Variants in RLF observed in about 807,000 individuals in gnomAD.
The protein encoded by RLF is RLF zinc finger.
Under a neutral mutation model 162.9 loss-of-function variants are expected in RLF, and 7 were observed. The ratio of observed to expected loss-of-function variants is 0.04; its 90% confidence interval spans 0.02 to 0.08. The LOEUF (loss-of-function observed/expected upper bound fraction) is 0.08, where lower values mean the gene tolerates loss of function less well. RLF is among the 10% of genes least tolerant of loss of function. The pLI, the probability that RLF is intolerant of heterozygous loss-of-function variation, is 1.00. For missense variants in RLF, 1,664 were observed against 2,244.7 expected, an observed-to-expected ratio of 0.74 and a Z score of 5.23; for synonymous variants, 782 against 791.5, an observed-to-expected ratio of 0.99 and a Z score of 0.20.
chr1:40,218,959 A>T (rs1642959234), intron 5 of RLF, among the ~76,000 whole-genome samples: 1 of 151,988 alleles, frequency 6.6e-6, no homozygotes, highest in Non-Finnish European at 1.5e-5. Flanking sequence ...ACTAGAAATT[A>T]TATTTAAGAA....
chr1:40,220,842 TAGGGCC>T (rs1642982815), intron 5 of RLF, among the ~76,000 whole-genome samples: 1 of 151,838 alleles, frequency 6.6e-6, no homozygotes, highest in South Asian at 2.1e-4. Context: ...AGTTAAATAA[TAGGGCC>T]AGGGCATTGG....
At chr1:40,165,397 C>G (rs1642150843) in intron 1 of RLF, among the ~76,000 whole-genome samples, 1 of 152,206 alleles carries the variant, frequency 6.6e-6, no homozygotes, top group Non-Finnish European at 1.5e-5. Context: ...TTCTCAAGAT[C>G]CAATAAACGT....
At chr1:40,197,874 CAT>C (rs1557747366) in intron 4 of RLF, among the ~76,000 whole-genome samples, 1 of 152,170 alleles carries the variant, frequency 6.6e-6, no homozygotes, top group African/African-American at 2.4e-5. Context: ...AGATATTTAA[CAT>C]ATTTGATACC....
chr1:40,161,515 C>T lies in RLF; in HGVS notation c.116C>T (p.Pro39Leu), dbSNP rs1642083554. ...GAGTCCATGGTTCGGGGTCATCGCC[C>T]CGTATCTCCAGCGCCGGGAGCCTCG... ...ETESMVRGHR[P>L]VSPAPGASGL... is the part of the protein sequence containing the mutation. Residue 39 changes from proline (P) to leucine (L), a missense_variant, in exon 1 of 8, where the codon CCC (proline) becomes CTC (leucine). By Grantham distance (98) the Pro-to-Leu change is moderately conservative. Transcript: ENST00000372771. The surrounding 1 kb of genome is among the most constrained non-coding windows in gnomAD (Gnocchi z 4.4). The T allele has an allele frequency of 1.9e-6, 3 of 1,605,352 alleles. No homozygotes were observed. The highest frequency in any genetic ancestry group is 2.5e-6 in the Non-Finnish European group (3 of 1,176,538).
Position 40,237,577 on chromosome 1 carries a change from G to C in RLF, c.2875G>C (p.Asp959His), listed in dbSNP as rs749634118. 3.1e-6 allele frequency: 5 copies of C among 1,614,108 alleles called. No individual in the cohort carries two copies. In the Admixed American group the frequency reaches 8.3e-5, roughly 27 times the overall value. Residue 959 changes from aspartate (D) to histidine (H), a missense_variant, in exon 8 of 8, where the codon GAT (aspartate) becomes CAT (histidine). Coordinates refer to ENST00000372771, the MANE Select transcript of RLF (RefSeq NM_012421.4). This position sits in a 1 kb window ranked among gnomAD's most constrained non-coding sequence, Gnocchi z 4.4. Reference sequence around the variant, plus strand: ...CGGGACTAAGTTTACCTGTGGTTTTGATGGCTGTGGTTCCACATACAAAAA... The same window carrying C: ...CGGGACTAAGTTTACCTGTGGTTTTCATGGCTGTGGTTCCACATACAAAAA... ...FDGTKFTCGF[D>H]GCGSTYKNAR... is the part of the protein sequence containing the mutation.
At position 40,222,557 on chromosome 1, in the gene RLF, CATCTCATT is replaced by C; in HGVS notation, c.811-16_811-9del. 1.2e-6 allele frequency: 2 copies of C among 1,607,920 alleles called. No individual in the cohort carries two copies. The highest frequency in any genetic ancestry group is 1.7e-6 in the Non-Finnish European group (2 of 1,177,348). On this transcript the variant is annotated splice_polypyrimidine_tract_variant and intron_variant, in intron 5 of 7. Transcript: ENST00000372771. ...GTCACCATTTTCTTTTTGACTTAGT[CATCTCATT>C]TTTGATAGATTGCAAAGGTCGACTG...
chr1:40,163,066 G>A lies in RLF; in HGVS notation c.237+1430G>A, dbSNP rs147063191. 1.5e-3 allele frequency among the ~76,000 whole-genome samples: 227 copies of A among 152,286 alleles called. 3 individuals are homozygous for A. The highest frequency in any genetic ancestry group is 5.3e-3 in the African/African-American group (221 of 41,550). On this transcript the variant is annotated intron_variant, in intron 1 of 7. Transcript: ENST00000372771. Reference sequence around the variant, plus strand: ...AAAAGGAGGTGTTGTAGAGACAATGGTGAGGAGAGAGCCTTCATGGGATAT... The same window carrying A: ...AAAAGGAGGTGTTGTAGAGACAATGATGAGGAGAGAGCCTTCATGGGATAT...
chr1:40,217,840 A>G (rs983566261), intron 5 of RLF, among the ~76,000 whole-genome samples: 3 of 152,192 alleles, frequency 2.0e-5, no homozygotes, highest in Non-Finnish European at 2.9e-5. Context: ...AGGTAAAAGA[A>G]GTAACATATA....
chr1:40,176,629 G>A (rs1312524591), intron 1 of RLF, among the ~76,000 whole-genome samples: 1 of 152,012 alleles, frequency 6.6e-6, no homozygotes, highest in African/African-American at 2.4e-5. Flanking sequence ...TTTTTATAAT[G>A]GCGGGATTTT....
At chr1:40,208,758 A>G (rs1364951124) in intron 5 of RLF, among the ~76,000 whole-genome samples, 2 of 152,324 alleles carry the variant, frequency 1.3e-5, no homozygotes, top group East Asian at 3.9e-4. Context: ...TGCAGGTTGC[A>G]GTGAGCTGAG....
Position 40,161,415 on chromosome 1 carries a change from G to A in RLF, c.16G>A (p.Gly6Arg), listed in dbSNP as rs1642079533. 2 of 1,547,818 alleles carry A rather than the reference G, an allele frequency of 1.3e-6. No individual in the cohort carries two copies. Among genetic ancestry groups the A allele is most frequent in the East Asian group, 2.4e-5 (1 of 41,298 alleles). MADGK[G>R]DAAAVAGAGA... Reference sequence around the variant, plus strand: ...CCGTGGGAAGATGGCGGACGGAAAGGGAGACGCCGCCGCTGTCGCCGGGGC... The same window carrying A: ...CCGTGGGAAGATGGCGGACGGAAAGAGAGACGCCGCCGCTGTCGCCGGGGC... The change falls in exon 1 of 8, where the codon GGA becomes AGA. Residue 6 changes from glycine to arginine, a missense_variant. By Grantham distance (125) the Gly-to-Arg change is moderately radical. Around this residue, in one of 15 missense-constraint regions of RLF, gnomAD observed 134 missense variants for 124.3 expected, o/e 1.08. Coordinates refer to ENST00000372771, the MANE Select transcript of RLF (RefSeq NM_012421.4). This position sits in a 1 kb window ranked among gnomAD's most constrained non-coding sequence, Gnocchi z 4.4.
intron 1 of RLF, among the ~76,000 whole-genome samples, chr1:40,170,428 A>G (rs1043466857): frequency 2.0e-5 from 3 of 151,910 alleles, no homozygotes; most frequent in African/African-American, 7.3e-5. Context: ...ACGCCCTGCT[A>G]ATTTTTGTAT....
In RLF at chr1:40,235,967, G is replaced by A. The variant is rs1643212319; in HGVS notation, c.1265G>A (p.Ser422Asn). 6.2e-7 allele frequency: 1 copy of A among 1,613,930 alleles called. No homozygotes were observed. Among genetic ancestry groups the A allele is most frequent in the Non-Finnish European group, 8.5e-7 (1 of 1,179,956 alleles). ...CTTACAGAATTCTTAATTGAACCCA[G>A]TTTGGATGGATTTAATATGTTAGAA... ...CQLTEFLIEPSLDGFNMLEEL... is the reference protein window; with the variant it reads ...CQLTEFLIEPNLDGFNMLEEL... Residue 422 changes from serine (S) to asparagine (N), a missense_variant, in exon 8 of 8, where the codon AGT becomes AAT. Ser to Asn is a conservative substitution (Grantham distance 46, BLOSUM62 1). Around this residue, in one of 15 missense-constraint regions of RLF, gnomAD observed 287 missense variants for 404.9 expected, o/e 0.71. Transcript: ENST00000372771.
chr1:40,182,198 C>G (rs1642413752), intron 1 of RLF, among the ~76,000 whole-genome samples: 1 of 152,092 alleles, frequency 6.6e-6, no homozygotes, highest in African/African-American at 2.4e-5. Context: ...CTTTGGGAGC[C>G]CGAGGTGAGC....
Position 40,236,950 on chromosome 1 carries a change from T to A in RLF, c.2248T>A (p.Tyr750Asn). 1 of 1,614,182 alleles carries A rather than the reference T, an allele frequency of 6.2e-7. No homozygotes were observed. The highest frequency in any genetic ancestry group is 8.5e-7 in the Non-Finnish European group (1 of 1,180,016). Residue 750 changes from tyrosine (Y) to asparagine (N), a missense_variant, in exon 8 of 8, where the codon TAT becomes AAT. This residue lies in a region of RLF where 69 missense variants were observed against 206.4 expected (regional missense o/e 0.33). Coordinates refer to ENST00000372771, the MANE Select transcript of RLF (RefSeq NM_012421.4). This position sits in a 1 kb window ranked among gnomAD's most constrained non-coding sequence, Gnocchi z 7.7. ...QPYMCVSIDCYARFGSVNELL... is the reference protein window; with the variant it reads ...QPYMCVSIDCNARFGSVNELL... ...TTATATGTGTGTATCTATAGATTGCTATGCTAGGTTTGGATCAGTAAATGA... is the reference window on the plus strand; with the variant it reads ...TTATATGTGTGTATCTATAGATTGCAATGCTAGGTTTGGATCAGTAAATGA...
chr1:40,225,931 A>G (rs1373109643), intron 6 of RLF, among the ~76,000 whole-genome samples: 6 of 150,642 alleles, frequency 4.0e-5, no homozygotes, highest in Non-Finnish European at 5.9e-5. Context: ...ACGCACCTAT[A>G]ATCCCAGCTA....
intron 1 of RLF, among the ~76,000 whole-genome samples, chr1:40,186,483 T>C (rs570392012): frequency 6.6e-6 from 1 of 152,186 alleles, no homozygotes; most frequent in Non-Finnish European, 1.5e-5. Flanking sequence ...TTTGAAATTG[T>C]GTAGCTTACA....
At chr1:40,194,501 G>C (rs577813761) in intron 3 of RLF, among the ~76,000 whole-genome samples, 2 of 151,686 alleles carry the variant, frequency 1.3e-5, no homozygotes, top group Non-Finnish European at 2.9e-5. Context: ...TTAGCCAGGC[G>C]TGGTGGCAGG....
rs778235567 is a variant in RLF, at chr1:40,240,499, C to G, written c.*52C>G. ...TGGCTCCAACACTGCAACATGGGGA[C>G]ATTTGCCAACTCGAACAAAGGCTGA... On this transcript the variant is annotated 3_prime_UTR_variant, in exon 8 of 8. Coordinates refer to ENST00000372771, the MANE Select transcript of RLF (RefSeq NM_012421.4). 1.5e-6 allele frequency: 2 copies of G among 1,307,350 alleles called. No homozygotes were observed. 81.0% of individuals were successfully genotyped at this position (1,307,350 alleles called of 1,614,324 possible).
Sources: allele counts gnomAD v4.1 joint callset (sites outside exome capture counted in the v4.1 genomes callset), GRCh38; gene constraint gnomAD v4.1.1; regional missense constraint gnomAD v4.1.1; non-coding constraint Gnocchi (gnomAD v3.1); transcripts MANE v1.5; gene names NCBI Gene and HGNC (gene_info 2026-07-23, HGNC 2026-07-21).